The following CLIC3 variants were observed in gnomAD, a reference collection of about 807,000 sequenced individuals.
CLIC3 encodes chloride intracellular channel protein 3.
In CLIC3, 29 loss-of-function variants were observed where a neutral mutation model predicts 19.9. The observed-to-expected ratio is 1.46, with a 90% CI of 1.09 to 1.99. The LOEUF is 1.99. Among genes scored for constraint, CLIC3 ranks in the 30% most tolerant of loss-of-function variants. CLIC3 has a pLI of 0.00. For missense variants in CLIC3, 365 were observed against 342.6 expected, an observed-to-expected ratio of 1.07 and a Z score of -0.52; for synonymous variants, 143 against 156.4, an observed-to-expected ratio of 0.91 and a Z score of 0.64.
chr9:136,996,241 C>T (rs959304638), intron 1 of CLIC3, among the ~76,000 whole-genome samples: 2 of 152,166 alleles, frequency 1.3e-5, no homozygotes, highest in Admixed American at 6.5e-5. Flanking sequence ...CTGCTTGGTA[C>T]CTCCCCACCA....
At position 136,994,968 on chromosome 9, in the gene CLIC3, C is replaced by A; in HGVS notation, c.514G>T (p.Ala172Ser). The A allele has an allele frequency of 6.9e-7, 1 of 1,454,960 alleles. No homozygotes were observed. The highest frequency in any genetic ancestry group is 9.1e-7 in the Non-Finnish European group (1 of 1,104,048). 90.1% of individuals were successfully genotyped at this position (1,454,960 alleles called of 1,614,324 possible). The change falls in exon 5 of 6, where the codon GCC becomes TCC. Residue 172 changes from alanine to serine, a missense_variant. Physicochemically the swap from Ala to Ser is moderately conservative, Grantham distance 99. Transcript: ENST00000494426. ...RFLDGDRLTLADCSLLPKLHI... is the reference protein window; with the variant it reads ...RFLDGDRLTLSDCSLLPKLHI... ...AGCTTGGGCAGGAGGCTGCAGTCGG[C>A]CAGCGTGAGCCTGTCGCCGTCCAGG...
In CLIC3 at chr9:136,995,657, T is replaced by TCCA; in HGVS notation, c.131_133dup (p.Val44dup). On this transcript the variant is annotated inframe_insertion, in exon 2 of 6. Coordinates refer to ENST00000494426, the MANE Select transcript of CLIC3 (RefSeq NM_004669.3). ...CAGGATGGGGCCTCACCTGCGCGTG[T>TCCA]CCACCGTGGTGAGGGTGAAAGGTAC... 6.2e-7 allele frequency: 1 copy of TCCA among 1,610,648 alleles called. No homozygotes were observed. Among genetic ancestry groups the TCCA allele is most frequent in the Non-Finnish European group, 8.5e-7 (1 of 1,178,810 alleles).
At chr9:136,995,370 C>T (rs1588497052) in intron 3 of CLIC3, 72 bp downstream of exon 3, 1 of 1,609,618 alleles carries the variant, frequency 6.2e-7, no homozygotes, top group Non-Finnish European at 8.5e-7. Context: ...ACAGCGCCTT[C>T]CTGGGCTCTG....
intron 1 of CLIC3, 78 bp from the exon 2 acceptor site, chr9:136,995,835 C>G (rs1056331062): frequency 1.3e-5 from 13 of 987,874 alleles, no homozygotes; most frequent in Non-Finnish European, 1.5e-5. Context: ...GGGCGGGACC[C>G]GCCTCCCACT....
chr9:136,995,801 AC>A, intron 1 of CLIC3, 44 bp from the exon 2 acceptor site: 1 of 1,324,500 alleles, frequency 7.6e-7, no homozygotes, highest in Non-Finnish European at 1.0e-6. Context: ...CTGGAAGCAG[AC>A]CCAGGCATCC....
At chr9:136,996,012 G>A (rs937813557) in intron 1 of CLIC3, among the ~76,000 whole-genome samples, 1 of 152,186 alleles carries the variant, frequency 6.6e-6, no homozygotes, top group Non-Finnish European at 1.5e-5. Flanking sequence ...TCAGAGCCTG[G>A]ACAGAGGCCA....
intron 1 of CLIC3, 130 bp downstream of exon 1, chr9:136,996,381 C>G (rs1285965783): frequency 9.6e-6 from 8 of 829,188 alleles, no homozygotes; most frequent in Non-Finnish European, 1.6e-5. Flanking sequence ...CTGCCTGAGT[C>G]CCCCTAGCCA....
Position 136,995,273 on chromosome 9 carries a change from G to A in CLIC3, c.289C>T (p.Arg97Cys), listed in dbSNP as rs1365449792. 6.2e-7 allele frequency: 1 copy of A among 1,612,684 alleles called. No homozygotes were observed. Among genetic ancestry groups the A allele is most frequent in the South Asian group, 1.1e-5 (1 of 91,084 alleles). ...GPPDFPSLAP[R>C]YRESNTAGND... is the part of the protein sequence containing the mutation. ...CCGGCGGTGTTGGACTCCCTGTAAC[G>A]AGGCGCCAGGCTGGGGAAGCTGCGG... Residue 97 changes from arginine (R) to cysteine (C), a missense_variant, in exon 4 of 6, where the codon CGT (arginine) becomes TGT (cysteine). Transcript: ENST00000494426.
chr9:136,995,391 G>A (rs779257717), intron 3 of CLIC3, 51 bp downstream of exon 3: 17 of 1,609,880 alleles, frequency 1.1e-5, no homozygotes, highest in Non-Finnish European at 1.4e-5. Context: ...TCTTGCGCGC[G>A]TCCTCCCTGG....
At position 136,995,746 on chromosome 9, in the gene CLIC3, G is replaced by A. The variant is rs1189740031; in HGVS notation, c.45C>T (p.Asp15=). Residue 15 remains aspartate (D), a synonymous_variant, in exon 2 of 6, where the codon GAC becomes GAT. Coordinates refer to ENST00000494426, the MANE Select transcript of CLIC3 (RefSeq NM_004669.3). ...AGGGGCAGTGACCCACGCTCTCCCC[G>A]TCCTCACTCGCCTGGGTGGGTGGAG... ...KLQLFVKASE[D]GESVGHCPSC... 3.8e-6 allele frequency: 6 copies of A among 1,573,188 alleles called. No individual in the cohort carries two copies. The highest frequency in any genetic ancestry group is 2.2e-4 in the Middle Eastern group (1 of 4,534).
At position 136,995,764 on chromosome 9, in the gene CLIC3, G is replaced by A; in HGVS notation, c.34-7C>T. 6.5e-7 allele frequency: 1 copy of A among 1,537,248 alleles called. No homozygotes were observed. ...TCTCCCCGTCCTCACTCGCCTGGGTGGGTGGAGCGGGGGTGGGGGGTCAGG... is the reference window on the plus strand; with the variant it reads ...TCTCCCCGTCCTCACTCGCCTGGGTAGGTGGAGCGGGGGTGGGGGGTCAGG... On this transcript the variant is annotated splice_region_variant and splice_polypyrimidine_tract_variant and intron_variant, in intron 1 of 5. Coordinates refer to ENST00000494426, the MANE Select transcript of CLIC3 (RefSeq NM_004669.3).
rs1830685617 is a variant in CLIC3, at chr9:136,995,297, G to C, written c.270-5C>G. 1.9e-6 allele frequency: 3 copies of C among 1,611,658 alleles called. No individual in the cohort carries two copies. Among genetic ancestry groups the C allele is most frequent in the Non-Finnish European group, 2.5e-6 (3 of 1,179,186 alleles). On this transcript the variant is annotated splice_polypyrimidine_tract_variant and splice_region_variant and intron_variant, in intron 3 of 5. Transcript: ENST00000494426. ...CGAGGCGCCAGGCTGGGGAAGCTGC[G>C]GGATGAGGGGGTGGGACTCCATTAG...
intron 4 of CLIC3, 26 bp downstream of exon 4, chr9:136,995,158 GGC>G: frequency 6.2e-7 from 1 of 1,600,474 alleles, no homozygotes; most frequent in Non-Finnish European, 8.5e-7. Context: ...CTCCCGCCTG[GGC>G]ACCCGACCCC....
intron 1 of CLIC3, among the ~76,000 whole-genome samples, chr9:136,996,044 A>G (rs1294439862): frequency 1.3e-5 from 2 of 152,142 alleles, no homozygotes; most frequent in Non-Finnish European, 2.9e-5. Flanking sequence ...TCAGTCCCCA[A>G]AAGCTGGTTG....
At position 136,995,767 on chromosome 9, in the gene CLIC3, T is replaced by A; in HGVS notation, c.34-10A>T. ...CCCCGTCCTCACTCGCCTGGGTGGG[T>A]GGAGCGGGGGTGGGGGGTCAGGGCT... On this transcript the variant is annotated splice_polypyrimidine_tract_variant and intron_variant, in intron 1 of 5. Transcript: ENST00000494426. The A allele has an allele frequency of 6.8e-7, 1 of 1,464,302 alleles. No homozygotes were observed. The highest frequency in any genetic ancestry group is 9.3e-7 in the Non-Finnish European group (1 of 1,076,166). 90.7% of individuals were successfully genotyped at this position (1,464,302 alleles called of 1,614,324 possible). A position where few individuals can be genotyped will look rare whatever the true frequency, so the allele number is the denominator to read the frequency against.
chr9:136,996,468 C>T (rs2131411378), intron 1 of CLIC3, 43 bp downstream of exon 1: 1 of 1,538,980 alleles, frequency 6.5e-7, no homozygotes, highest in Non-Finnish European at 8.8e-7. Context: ...CAGAAAAGCG[C>T]TTCCTCCCAG....
Position 136,995,756 on chromosome 9 carries a change from G to A in CLIC3, c.35C>T (p.Ala12Val), listed in dbSNP as rs756470338. 2 of 1,557,464 alleles carry A rather than the reference G, an allele frequency of 1.3e-6. No homozygotes were observed. Among genetic ancestry groups the A allele is most frequent in the Non-Finnish European group, 1.7e-6 (2 of 1,149,932 alleles). Residue 12 changes from alanine to valine, a missense_variant and splice_region_variant, in exon 2 of 6, where the codon GCG (alanine) becomes GTG (valine). Coordinates refer to ENST00000494426, the MANE Select transcript of CLIC3 (RefSeq NM_004669.3). ...ACCCACGCTCTCCCCGTCCTCACTC[G>A]CCTGGGTGGGTGGAGCGGGGGTGGG... is the stretch of plus-strand genomic sequence containing the variant. ...AETKLQLFVK[A>V]SEDGESVGHC...
At position 136,995,048 on chromosome 9, in the gene CLIC3, G is replaced by A; in HGVS notation, c.434C>T (p.Pro145Leu). The A allele has an allele frequency of 6.6e-7, 1 of 1,515,670 alleles. No individual in the cohort carries two copies. Among genetic ancestry groups the A allele is most frequent in the Non-Finnish European group, 8.8e-7 (1 of 1,134,098 alleles). The allele number at this position is 1,515,670 out of a possible 1,614,324, so 93.9% of individuals were successfully genotyped here. Residue 145 changes from proline (P) to leucine (L), a missense_variant, in exon 5 of 6, where the codon CCC becomes CTC. Transcript: ENST00000494426. Reference sequence around the variant, plus strand: ...CTCCCCCGCCAGCTCGTGCTCCAGGGGCGCGCGCAGGTAGCTGTCCAGCCT... The same window carrying A: ...CTCCCCCGCCAGCTCGTGCTCCAGGAGCGCGCGCAGGTAGCTGTCCAGCCT... ...LARLDSYLRAPLEHELAGEPQ... is the reference protein window; with the variant it reads ...LARLDSYLRALLEHELAGEPQ...
chr9:136,995,308 G>C lies in CLIC3; in HGVS notation c.270-16C>G, dbSNP rs1830685959. 2 of 1,610,104 alleles carry C rather than the reference G, an allele frequency of 1.2e-6. No homozygotes were observed. Among genetic ancestry groups the C allele is most frequent in the East Asian group, 4.5e-5 (2 of 44,850 alleles). On this transcript the variant is annotated splice_polypyrimidine_tract_variant and intron_variant, in intron 3 of 5. Coordinates refer to ENST00000494426, the MANE Select transcript of CLIC3 (RefSeq NM_004669.3). ...GCTGGGGAAGCTGCGGGATGAGGGGGTGGGACTCCATTAGACTGGGGGCAG... is the reference window on the plus strand; with the variant it reads ...GCTGGGGAAGCTGCGGGATGAGGGGCTGGGACTCCATTAGACTGGGGGCAG...
Sources: gnomAD v4.1 joint callset for allele counts (sites outside exome capture counted in the v4.1 genomes callset) on GRCh38, gnomAD v4.1.1 for gene constraint, MANE v1.5 for transcripts, NCBI Gene and HGNC (gene_info 2026-07-23, HGNC 2026-07-21) for gene names.